The following PTPA variants were observed in gnomAD, a reference collection of about 807,000 sequenced individuals.
The protein encoded by PTPA is serine/threonine-protein phosphatase 2A activator.
A neutral mutation model predicts 43.6 loss-of-function variants in PTPA; 13 were observed. The observed-to-expected ratio is 0.30, with a 90% CI of 0.19 to 0.47. The LOEUF (loss-of-function observed/expected upper bound fraction) is 0.47, where lower values mean the gene tolerates loss of function less well. Ranked by LOEUF, PTPA falls within the 20% of genes least tolerant of loss-of-function variation. The pLI is 0.99. For synonymous variants in PTPA, 172 were observed against 158.2 expected, an observed-to-expected ratio of 1.09 and a Z score of -0.66; for missense variants, 329 against 411.9, an observed-to-expected ratio of 0.80 and a Z score of 1.74.
chr9:129,143,139 G>T, intron 9 of PTPA: 1 of 605,014 alleles, frequency 1.7e-6, no homozygotes, highest in Non-Finnish European at 2.9e-6. Context: ...CTGCTGGCAG[G>T]CAGCCGAGGG....
intron 1 of PTPA, among the ~76,000 whole-genome samples, chr9:129,118,855 C>T (rs1199237622): frequency 7.3e-5 from 11 of 150,968 alleles, no homozygotes; most frequent in East Asian, 5.8e-4. Context: ...TTTGTGTTTC[C>T]GTGAGCACAT....
At chr9:129,113,298 G>A (rs1004564907) in intron 1 of PTPA, among the ~76,000 whole-genome samples, 1 of 151,596 alleles carries the variant, frequency 6.6e-6, no homozygotes, top group Non-Finnish European at 1.5e-5. Context: ...CACCATATTG[G>A]CCAGGCTGGT....
chr9:129,129,102 C>T lies in PTPA; in HGVS notation c.334C>T (p.Leu112Phe). Residue 112 changes from leucine to phenylalanine, a missense_variant, in exon 4 of 10, where the codon CTT becomes TTT. Coordinates refer to ENST00000393370, the MANE Select transcript of PTPA (RefSeq NM_178000.3). ...GGCATACAGGACCTGGTATGCCAAA[C>T]TTGATGAGGTGAGGCTGCCACAGGA... ...NKAYRTWYAK[L>F]DEEAENLVAT... 6.2e-7 allele frequency: 1 copy of T among 1,612,246 alleles called. No homozygotes were observed.
At position 129,143,400 on chromosome 9, in the gene PTPA, C is replaced by T. The variant is rs1406855997; in HGVS notation, c.894+848C>T. ...GCTGGCCCTTGTGACTAGTTCATGG[C>T]CTCAGACACTGTACTGTGGGCACCA... On this transcript the variant is annotated intron_variant, in intron 9 of 9. Transcript: ENST00000393370. 30 of 702,962 alleles carry T rather than the reference C, an allele frequency of 4.3e-5. 2 individuals carry two copies. The highest frequency in any genetic ancestry group is 6.0e-5 in the Admixed American group (3 of 49,998). The allele number at this position is 702,962 out of a possible 1,614,324, so 43.5% of individuals were successfully genotyped here.
intron 7 of PTPA, 41 bp from the exon 8 acceptor site, chr9:129,137,551 G>A: frequency 3.3e-6 from 5 of 1,525,574 alleles, no homozygotes; most frequent in Non-Finnish European, 3.6e-6. Flanking sequence ...AGGTAGTCGT[G>A]GGGCCTGGTT....
rs1851394695 is a variant in PTPA, at chr9:129,147,733, C to G, written c.*269C>G. On this transcript the variant is annotated 3_prime_UTR_variant, in exon 10 of 10. Transcript: ENST00000393370. The stretch of plus-strand genomic sequence containing the variant: ...GAGGGTCTGGGGCCTGGTCACTCGG[C>G]CACTCTCTCCTGTTTCTGGCCTCTT... The G allele has an allele frequency of 2.2e-6, 1 of 459,086 alleles. No individual in the cohort carries two copies. Among genetic ancestry groups the G allele is most frequent in the South Asian group, 2.2e-5 (1 of 44,506 alleles). 28.4% of individuals were successfully genotyped at this position (459,086 alleles called of 1,614,324 possible). A position where few individuals can be genotyped will look rare whatever the true frequency, so the allele number is the denominator to read the frequency against.
intron 5 of PTPA, 80 bp downstream of exon 5, chr9:129,131,719 C>T: frequency 7.4e-7 from 1 of 1,360,166 alleles, no homozygotes; most frequent in Non-Finnish European, 1.0e-6. Context: ...TCTGGGCCCT[C>T]TGAGCAAGTG....
At position 129,147,748 on chromosome 9, in the gene PTPA, T is replaced by G; in HGVS notation, c.*284T>G. 2.3e-6 allele frequency: 1 copy of G among 430,452 alleles called. No individual in the cohort carries two copies. Among genetic ancestry groups the G allele is most frequent in the South Asian group, 2.3e-5 (1 of 43,436 alleles). 26.7% of individuals were successfully genotyped at this position (430,452 alleles called of 1,614,324 possible). ...GGTCACTCGGCCACTCTCTCCTGTT[T>G]CTGGCCTCTTCTCCCTTCACTCCCG... On this transcript the variant is annotated 3_prime_UTR_variant, in exon 10 of 10. Transcript: ENST00000393370.
intron 8 of PTPA, 100 bp from the exon 9 acceptor site, chr9:129,142,345 T>TGC: frequency 1.8e-6 from 2 of 1,081,444 alleles, no homozygotes; most frequent in South Asian, 1.6e-5. Context: ...CGTTTGTGTG[T>TGC]GTGTGTGTGT....
At chr9:129,111,360 T>C, upstream of PTPA, 1 of 1,170,214 alleles carries the variant, frequency 8.5e-7, no homozygotes, top group Non-Finnish European at 1.1e-6. Flanking sequence ...GTCGCCCGGT[T>C]CCGCGCGTCC....
At chr9:129,116,558 TG>T (rs756048756) in intron 1 of PTPA, among the ~76,000 whole-genome samples, 60 of 152,268 alleles carry the variant, frequency 3.9e-4, no homozygotes, top group Admixed American at 1.4e-3. Context: ...GCTAATTTTT[TG>T]TATTTTTAGT....
chr9:129,144,496 T>G (rs1320771226), intron 9 of PTPA, among the ~76,000 whole-genome samples: 1 of 151,578 alleles, frequency 6.6e-6, no homozygotes, highest in South Asian at 2.1e-4. Context: ...CCCAGCACTT[T>G]GGGAGGCCGA....
At chr9:129,111,666 G>C (rs1346124737) in intron 1 of PTPA, 35 bp downstream of exon 1, 28 of 1,276,098 alleles carry the variant, frequency 2.2e-5, no homozygotes, top group Non-Finnish European at 2.7e-5. Flanking sequence ...GCCGGGGTCG[G>C]GTAGGGTGGG....
At chr9:129,113,493 G>A (rs1191366957) in intron 1 of PTPA, among the ~76,000 whole-genome samples, 1 of 151,140 alleles carries the variant, frequency 6.6e-6, no homozygotes, top group Non-Finnish European at 1.5e-5. Flanking sequence ...ATGACTCCGG[G>A]CACAGTGGCT....
At chr9:129,145,825 A>G (rs1194073084) in intron 9 of PTPA, among the ~76,000 whole-genome samples, 6 of 152,170 alleles carry the variant, frequency 3.9e-5, no homozygotes, top group Non-Finnish European at 5.9e-5. Context: ...CCCAGCTTGA[A>G]TCACCTCTGG....
At chr9:129,132,009 T>C (rs1302133695) in intron 5 of PTPA, among the ~76,000 whole-genome samples, 1 of 152,192 alleles carries the variant, frequency 6.6e-6, no homozygotes, top group Non-Finnish European at 1.5e-5. Flanking sequence ...CTTTGAGAAA[T>C]GGGAACGCTT....
At chr9:129,111,386 T>C (rs930146579), upstream of PTPA, 1 of 1,109,238 alleles carries the variant, frequency 9.0e-7, no homozygotes, top group East Asian at 4.7e-5. Flanking sequence ...GCGCCGGCCG[T>C]TAATAGGCTT....
chr9:129,140,549 C>T (rs938120930), intron 8 of PTPA, among the ~76,000 whole-genome samples: 5 of 152,322 alleles, frequency 3.3e-5, no homozygotes, highest in African/African-American at 1.2e-4. Context: ...CCCTGGTAGG[C>T]GAGGCTGGCC....
chr9:129,119,163 A>G, intron 1 of PTPA: 1 of 161,190 alleles, frequency 6.2e-6, no homozygotes, highest in Non-Finnish European at 1.4e-5. Context: ...CACCCAGCTA[A>G]TTTTTAAATT....
Sources: gnomAD v4.1 joint callset for allele counts (sites outside exome capture counted in the v4.1 genomes callset) on GRCh38, gnomAD v4.1.1 for gene constraint, MANE v1.5 for transcripts, NCBI Gene and HGNC (gene_info 2026-07-23, HGNC 2026-07-21) for gene names.